RTTN: variants seen among roughly 807,000 people sequenced by gnomAD.
RTTN encodes rotatin.
RTTN carries 182 observed loss-of-function variants against 269.2 expected under a neutral mutation model. The ratio of observed to expected loss-of-function variants is 0.68; its 90% CI spans 0.60 to 0.76. The LOEUF (loss-of-function observed/expected upper bound fraction) is 0.76, where lower values mean the gene tolerates loss of function less well. Among genes scored for constraint, RTTN ranks in the 30% least tolerant of loss-of-function variants. The probability of loss-of-function intolerance (pLI) is 0.00; values close to 1 mark genes in which losing one functional copy is unlikely to be tolerated. For missense variants in RTTN, 2,545 were observed against 2,608.6 expected, an observed-to-expected ratio of 0.98 and a Z score of 0.53; for synonymous variants, 1,006 against 963.5, an observed-to-expected ratio of 1.04 and a Z score of -0.82.
At position 70,102,603 on chromosome 18, in the gene RTTN, A is replaced by G. The variant is rs1302886356; in HGVS notation, c.3903+6895T>C. ...GTTAATATTGTTATGTGTGAATTCA[A>G]TCCTGTCATCATGATGTTAGCTGGT... On this transcript the variant is annotated intron_variant, in intron 28 of 48. Coordinates refer to ENST00000640769, the MANE Select transcript of RTTN (RefSeq NM_173630.4). 2.0e-5 allele frequency among the ~76,000 whole-genome samples: 3 copies of G among 152,270 alleles called. No homozygotes were observed. In the East Asian group the frequency reaches 5.8e-4, roughly 29 times the overall value.
chr18:70,045,925 T>C (rs1308391393), intron 40 of RTTN, among the ~76,000 whole-genome samples: 1 of 152,238 alleles, frequency 6.6e-6, no homozygotes, highest in African/African-American at 2.4e-5. Context: ...TCTGTGACTG[T>C]AGGCTATCTC....
At position 70,088,764 on chromosome 18, in the gene RTTN, T is replaced by C. The variant is rs1042386438; in HGVS notation, c.4144-617A>G. On this transcript the variant is annotated intron_variant, in intron 30 of 48. Coordinates refer to ENST00000640769, the MANE Select transcript of RTTN (RefSeq NM_173630.4). ...TGACAGCTATAGAATTTTTTAAAAA[T>C]GCAGTCATAAAATTGTCAAGTAGTA... Among the ~76,000 whole-genome samples, 5 of 152,176 alleles carry C rather than the reference T, an allele frequency of 3.3e-5. No individual in the cohort carries two copies. In the South Asian group the frequency reaches 1.0e-3, roughly 31 times the overall value.
intron 18 of RTTN, among the ~76,000 whole-genome samples, chr18:70,144,584 G>A (rs985085743): frequency 5.3e-5 from 8 of 152,130 alleles, no homozygotes; most frequent in African/African-American, 9.7e-5. Flanking sequence ...CACAGAAGAC[G>A]TATTAGAATG....
At chr18:70,126,009 C>T (rs1008233704) in intron 25 of RTTN, among the ~76,000 whole-genome samples, 4 of 151,786 alleles carry the variant, frequency 2.6e-5, no homozygotes, top group Non-Finnish European at 4.4e-5. Flanking sequence ...AAACACAGGC[C>T]TAAAAACCAA....
chr18:70,141,061 G>A lies in RTTN; in HGVS notation c.2582-873C>T, dbSNP rs769689099. On this transcript the variant is annotated intron_variant, in intron 19 of 48. Coordinates refer to ENST00000640769, the MANE Select transcript of RTTN (RefSeq NM_173630.4). Reference sequence around the variant, plus strand: ...ATACTTTTGAAATGTTAACAATATTGAAGGAATACTCTTTAACGAGTTTTT... The same window carrying A: ...ATACTTTTGAAATGTTAACAATATTAAAGGAATACTCTTTAACGAGTTTTT... Among the ~76,000 whole-genome samples the A allele has an allele frequency of 5.3e-4, 80 of 151,998 alleles. 1 individual carries two copies. Among genetic ancestry groups the A allele is most frequent in the Non-Finnish European group, 8.2e-4 (56 of 67,992 alleles).
intron 45 of RTTN, chr18:70,019,627 G>C (rs1440559281): frequency 1.3e-5 from 2 of 152,158 alleles, no homozygotes; most frequent in Admixed American, 6.5e-5. Flanking sequence ...TACGTGGTGT[G>C]ATATGCCCAC....
At chr18:70,116,253 AATTTT>A (rs1309001168) in intron 26 of RTTN, among the ~76,000 whole-genome samples, 1 of 152,082 alleles carries the variant, frequency 6.6e-6, no homozygotes, top group Non-Finnish European at 1.5e-5. Flanking sequence ...CTTGTAAAAC[AATTTT>A]ATTATTAGGA....
At chr18:70,171,750 G>A (rs988534994) in intron 11 of RTTN, among the ~76,000 whole-genome samples, 1 of 152,204 alleles carries the variant, frequency 6.6e-6, no homozygotes, top group African/African-American at 2.4e-5. Context: ...AATGTTTCCT[G>A]TAAACTAGCC....
chr18:70,073,762 A>G lies in RTTN; in HGVS notation c.4653+144T>C, dbSNP rs917425678. The G allele has an allele frequency of 1.6e-5, 9 of 576,534 alleles. No homozygotes were observed. The African/African-American group carries it at 1.7e-4, about 11-fold the overall frequency. The allele number at this position is 576,534 out of a possible 1,614,324, so 35.7% of individuals were successfully genotyped here. ...GACTGATGTGCAGCTTGAATACAAT[A>G]ATTTAGCAAAATTCTGCAGAAAGCA... On this transcript the variant is annotated intron_variant, in intron 34 of 48. Coordinates refer to ENST00000640769, the MANE Select transcript of RTTN (RefSeq NM_173630.4).
At chr18:70,194,927 A>G (rs895420830) in intron 7 of RTTN, among the ~76,000 whole-genome samples, 8 of 152,216 alleles carry the variant, frequency 5.3e-5, no homozygotes, top group Non-Finnish European at 2.9e-5. Context: ...ATACTTAAAA[A>G]TGTTTATAAT....
At chr18:70,004,693 T>C (rs534990932) in intron 48 of RTTN, among the ~76,000 whole-genome samples, 1 of 152,204 alleles carries the variant, frequency 6.6e-6, no homozygotes, top group South Asian at 2.1e-4. Flanking sequence ...CAATTCAGTG[T>C]TTTAGCATAA....
Position 70,017,411 on chromosome 18 carries a change from A to T in RTTN, c.6417T>A (p.Ala2139=), listed in dbSNP as rs141934309. 178 of 1,613,464 alleles carry T rather than the reference A, an allele frequency of 1.1e-4. No homozygotes were observed. The highest frequency in any genetic ancestry group is 1.5e-4 in the Admixed American group (9 of 59,964). The change falls in exon 46 of 49, where the codon GCT becomes GCA. Residue 2139 remains alanine (A), a synonymous_variant. Coordinates refer to ENST00000640769, the MANE Select transcript of RTTN (RefSeq NM_173630.4). ...TATGTGTGTGTGAAAACTTACCATT[A>T]GCCAGGATCTTGGGTTTATTTGCAG... ...FSPANKPKIL[A]NEKVITVLAA...
intron 4 of RTTN, among the ~76,000 whole-genome samples, chr18:70,199,906 G>A (rs2061906770): frequency 2.0e-5 from 3 of 152,196 alleles, no homozygotes. Flanking sequence ...AAAACATAAT[G>A]ATATACCATA....
At chr18:70,150,153 C>T in intron 15 of RTTN, 66 bp from the exon 16 acceptor site, 1 of 918,918 alleles carries the variant, frequency 1.1e-6, no homozygotes, top group Admixed American at 2.1e-5. Flanking sequence ...CCTGACACAC[C>T]TGGAACATTT....
chr18:70,190,367 T>C (rs2061642365), intron 9 of RTTN, among the ~76,000 whole-genome samples, 171 bp downstream of exon 9: 1 of 152,098 alleles, frequency 6.6e-6, no homozygotes, highest in Non-Finnish European at 1.5e-5. Context: ...GCATCCACAT[T>C]TAATTTAAAA....
At chr18:70,114,399 G>C in intron 27 of RTTN, 46 bp downstream of exon 27, 1 of 1,536,294 alleles carries the variant, frequency 6.5e-7, no homozygotes, top group Non-Finnish European at 8.8e-7. Context: ...AAGAAAACTT[G>C]GGTTCTATAT....
At chr18:70,056,570 C>G (rs1447866022) in intron 37 of RTTN, among the ~76,000 whole-genome samples, 2 of 152,146 alleles carry the variant, frequency 1.3e-5, no homozygotes, top group African/African-American at 4.8e-5. Flanking sequence ...ACATAACAGC[C>G]AGCAAGGTCC....
Position 70,150,232 on chromosome 18 carries a change from T to A in RTTN, c.2056-145A>T, listed in dbSNP as rs1172677708. ...AAATGTTCGTACTTCCACAGCATCA[T>A]CTTACATTCTGTTCTGTTTTTCTTC... On this transcript the variant is annotated intron_variant, in intron 15 of 48. Coordinates refer to ENST00000640769, the MANE Select transcript of RTTN (RefSeq NM_173630.4). The A allele has an allele frequency of 9.5e-6, 6 of 628,576 alleles. No individual in the cohort carries two copies. In the Admixed American group the frequency reaches 1.7e-4, roughly 18 times the overall value. 38.9% of individuals were successfully genotyped at this position (628,576 alleles called of 1,614,324 possible).
chr18:70,168,642 T>C (rs369282305), intron 12 of RTTN, among the ~76,000 whole-genome samples: 1 of 152,188 alleles, frequency 6.6e-6, no homozygotes, highest in African/African-American at 2.4e-5. Context: ...GTTAGGAATA[T>C]ACACCATTAA....
Sources: gnomAD v4.1 joint callset for allele counts (sites outside exome capture counted in the v4.1 genomes callset) on GRCh38, gnomAD v4.1.1 for gene constraint, MANE v1.5 for transcripts, NCBI Gene and HGNC (gene_info 2026-07-23, HGNC 2026-07-21) for gene names.